Variants in EBF4 observed in about 807,000 individuals in gnomAD.
EBF4 encodes the protein transcription factor COE4.
A neutral mutation model predicts 67.1 loss-of-function variants in EBF4; 34 were observed. The observed-to-expected ratio is 0.51, with a 90% CI of 0.39 to 0.67. The LOEUF (loss-of-function observed/expected upper bound fraction) is 0.67, where lower values mean the gene tolerates loss of function less well. Among genes scored for constraint, EBF4 ranks in the 30% least tolerant of loss-of-function variants. The pLI is 0.00. For missense variants in EBF4, 837 were observed against 873.3 expected, an observed-to-expected ratio of 0.96 and a Z score of 0.52; for synonymous variants, 387 against 377.7, an observed-to-expected ratio of 1.02 and a Z score of -0.29.
intron 6 of EBF4, among the ~76,000 whole-genome samples, chr20:2,724,285 A>G (rs780315940): frequency 2.6e-5 from 4 of 152,224 alleles, no homozygotes; most frequent in Non-Finnish European, 5.9e-5. Context: ...ATCTTAGGCC[A>G]TTCTATCACA....
chr20:2,706,034 A>G (rs2087452612), exon 3 of EBF4: 2 of 1,551,582 alleles, frequency 1.3e-6, no homozygotes, highest in Non-Finnish European at 1.7e-6. Flanking sequence ...GGTGTATAAC[A>G]ATGGTGAGTG....
In EBF4 at chr20:2,758,518, C is replaced by T. The variant is rs139389242; in HGVS notation, c.1739-391C>T. 5.4e-4 allele frequency among the ~76,000 whole-genome samples: 82 copies of T among 152,262 alleles called. 1 individual carries two copies. The East Asian group carries it at 0.014, about 26-fold the overall frequency. ...TGGGGAGTGGTGGAGTGACAAACTT[C>T]GTAGGTGTGGGAGGCACAGAGGATG... On this transcript the variant is annotated intron_variant, in intron 15 of 16. Coordinates refer to ENST00000609451, the Ensembl canonical transcript of EBF4.
chr20:2,755,343 G>T lies in EBF4; in HGVS notation c.1541-284G>T, dbSNP rs2088224773. On this transcript the variant is annotated intron_variant, in intron 14 of 16. Transcript: ENST00000609451. This position sits in a 1 kb window ranked among gnomAD's most constrained non-coding sequence, Gnocchi z 4.7. ...TCCAGCTGTTGCTCATCTCATTTTTGGGGGGTACCTCCCACTGTTTGTTTT... is the reference window on the plus strand; with the variant it reads ...TCCAGCTGTTGCTCATCTCATTTTTTGGGGGTACCTCCCACTGTTTGTTTT... The T allele has an allele frequency of 6.8e-6, 3 of 443,756 alleles. No homozygotes were observed. The highest frequency in any genetic ancestry group is 8.0e-6 in the Non-Finnish European group (2 of 249,616). The allele number at this position is 443,756 out of a possible 1,614,324, so 27.5% of individuals were successfully genotyped here.
chr20:2,752,075 T>C lies in EBF4; in HGVS notation c.1174-11T>C, dbSNP rs931352351. 69 of 1,451,776 alleles carry C rather than the reference T, an allele frequency of 4.8e-5. No homozygotes were observed. Among genetic ancestry groups the C allele is most frequent in the Non-Finnish European group, 6.0e-5 (67 of 1,109,396 alleles). The allele number at this position is 1,451,776 out of a possible 1,614,324, so 89.9% of individuals were successfully genotyped here. On this transcript the variant is annotated splice_polypyrimidine_tract_variant and intron_variant, in intron 12 of 16. Transcript: ENST00000609451. ...GGCTGCCCCGGCCGTGCCCCGCTCTTGTCTTCGCAGGAGCTGCTCCTGAAG... is the reference window on the plus strand; with the variant it reads ...GGCTGCCCCGGCCGTGCCCCGCTCTCGTCTTCGCAGGAGCTGCTCCTGAAG...
chr20:2,708,093 C>G, intron 5 of EBF4, 73 bp downstream of exon 5: 1 of 1,450,664 alleles, frequency 6.9e-7, no homozygotes, highest in Non-Finnish European at 9.3e-7. Flanking sequence ...AGGCCCTGCC[C>G]CCTCGCCGCC....
At chr20:2,698,560 G>C (rs2087329419) in intron 1 of EBF4, among the ~76,000 whole-genome samples, 1 of 152,142 alleles carries the variant, frequency 6.6e-6, no homozygotes, top group African/African-American at 2.4e-5. Flanking sequence ...GGGATGCTTG[G>C]AGGAAGGGGG....
chr20:2,758,933 A>G (rs2088283812), exon 16 of EBF4: 11 of 1,551,754 alleles, frequency 7.1e-6, no homozygotes, highest in Non-Finnish European at 7.8e-6. Context: ...GATTCTGACA[A>G]GTTTCACTCT....
chr20:2,703,814 G>A (rs185988708), intron 1 of EBF4, among the ~76,000 whole-genome samples: 1 of 152,282 alleles, frequency 6.6e-6, no homozygotes, highest in Admixed American at 6.5e-5. Flanking sequence ...GAGCAGACTA[G>A]CCTGGTGGTT....
At chr20:2,715,109 C>T (rs942366982) in intron 6 of EBF4, among the ~76,000 whole-genome samples, 6 of 152,126 alleles carry the variant, frequency 3.9e-5, no homozygotes, top group African/African-American at 1.4e-4. Flanking sequence ...CAGCTCCCCC[C>T]AGTCCCCATA....
Position 2,755,608 on chromosome 20 carries a change from T to TA in EBF4, c.1541-19_1541-18insA. 4.6e-5 allele frequency: 26 copies of TA among 559,412 alleles called. No homozygotes were observed. The highest frequency in any genetic ancestry group is 5.3e-5 in the Non-Finnish European group (17 of 317,798). The allele number at this position is 559,412 out of a possible 1,614,324, so 34.7% of individuals were successfully genotyped here. On this transcript the variant is annotated intron_variant, in intron 14 of 16. Transcript: ENST00000609451. The surrounding 1 kb of genome is among the most constrained non-coding windows in gnomAD (Gnocchi z 4.7). ...CCACCTTCCCTGCTGCGCCTGCCCC[T>TA]CCCCGCCCCGCCCCGGAGTCATGCC...
At chr20:2,713,277 A>C (rs1353841891) in intron 6 of EBF4, among the ~76,000 whole-genome samples, 2 of 152,216 alleles carry the variant, frequency 1.3e-5, no homozygotes, top group Non-Finnish European at 2.9e-5. Context: ...GAGCATAGAC[A>C]GTTCATCCAT....
At chr20:2,752,693 C>G (rs1268878303) in intron 14 of EBF4, 148 bp downstream of exon 14, 2 of 653,610 alleles carry the variant, frequency 3.1e-6, no homozygotes, top group Non-Finnish European at 4.3e-6. Flanking sequence ...CCACCGTCCC[C>G]GCCTGGGACC....
intron 6 of EBF4, among the ~76,000 whole-genome samples, chr20:2,746,961 G>A (rs1270851647): frequency 6.6e-6 from 1 of 152,142 alleles, no homozygotes; most frequent in Non-Finnish European, 1.5e-5. Flanking sequence ...AGTGCTATAA[G>A]GCATAAGGCA....
intron 6 of EBF4, among the ~76,000 whole-genome samples, chr20:2,715,945 C>T (rs1265928215): frequency 1.3e-5 from 2 of 151,890 alleles, no homozygotes; most frequent in Admixed American, 6.6e-5. Flanking sequence ...GATGGGATTT[C>T]GCCATGTTGG....
chr20:2,749,201 G>A (rs1265418847), intron 7 of EBF4, among the ~76,000 whole-genome samples, 200 bp from the exon 8 acceptor site: 1 of 152,166 alleles, frequency 6.6e-6, no homozygotes, highest in East Asian at 1.9e-4. Flanking sequence ...TGGGGAGTCA[G>A]TTCATCTGGG....
chr20:2,739,079 G>A lies in EBF4; in HGVS notation c.558-9470G>A, dbSNP rs2146468826. On this transcript the variant is annotated intron_variant, in intron 6 of 16. Transcript: ENST00000609451. The surrounding 1 kb of genome is among the most constrained non-coding windows in gnomAD (Gnocchi z 4.5). ...TTCTACCGCAGGCTAAGACCAGGAA[G>A]CAGCCTGGGCCAACCCCACATGGGC... Among the ~76,000 whole-genome samples the A allele has an allele frequency of 6.6e-6, 1 of 152,292 alleles. No homozygotes were observed. Among genetic ancestry groups the A allele is most frequent in the Admixed American group, 6.5e-5 (1 of 15,302 alleles).
At chr20:2,692,910 C>T (rs1052257137), upstream of EBF4, 1 of 145,938 alleles carries the variant, frequency 6.9e-6, no homozygotes, top group African/African-American at 2.5e-5. The surrounding 1 kb of genome is among the most constrained non-coding windows in gnomAD (Gnocchi z 6.4). Flanking sequence ...GGAACCGGGC[C>T]CCGGGGGGAG....
chr20:2,748,648 G>A lies in EBF4; in HGVS notation c.639+18G>A. Reference sequence around the variant, plus strand: ...GCTTCCAGGTGGGTCTGGAGAGAGGGTTTCCCCTTGCAACCCCACCCTTTC... The same window carrying A: ...GCTTCCAGGTGGGTCTGGAGAGAGGATTTCCCCTTGCAACCCCACCCTTTC... On this transcript the variant is annotated intron_variant, in intron 7 of 16. Coordinates refer to ENST00000609451, the Ensembl canonical transcript of EBF4. 1 of 1,548,434 alleles carries A rather than the reference G, an allele frequency of 6.5e-7. No individual in the cohort carries two copies. Among genetic ancestry groups the A allele is most frequent in the Non-Finnish European group, 8.7e-7 (1 of 1,144,248 alleles).
chr20:2,718,353 G>T (rs1466616259), intron 6 of EBF4, among the ~76,000 whole-genome samples: 1 of 152,158 alleles, frequency 6.6e-6, no homozygotes, highest in Non-Finnish European at 1.5e-5. Context: ...TGAAGAGCTT[G>T]TGTGGAACCA....
Sources: allele counts gnomAD v4.1 joint callset (sites outside exome capture counted in the v4.1 genomes callset), GRCh38; gene constraint gnomAD v4.1.1; non-coding constraint Gnocchi (gnomAD v3.1); transcripts MANE v1.5; gene names NCBI Gene and HGNC (gene_info 2026-07-23, HGNC 2026-07-21).